COA8: variants seen among roughly 807,000 people sequenced by gnomAD.
COA8 encodes UPF0671 protein C14orf153.
Under a neutral mutation model 22.0 loss-of-function variants are expected in COA8, and 20 were observed. The observed-to-expected ratio is 0.91, with a 90% CI of 0.64 to 1.32. The LOEUF (loss-of-function observed/expected upper bound fraction) is 1.32. Ranked by LOEUF, COA8 falls within the 40% of genes most tolerant of loss-of-function variation. COA8 has a pLI of 0.00. For synonymous variants in COA8, 105 were observed against 79.9 expected, an observed-to-expected ratio of 1.31 and a Z score of -1.68; for missense variants, 266 against 230.0, an observed-to-expected ratio of 1.16 and a Z score of -1.01.
At chr14:103,588,847 G>A (rs1469751451) in intron 4 of COA8, among the ~76,000 whole-genome samples, 1 of 152,104 alleles carries the variant, frequency 6.6e-6, no homozygotes, top group Non-Finnish European at 1.5e-5. Flanking sequence ...AATAAAAAAA[G>A]AGAATATAGA....
In COA8 at chr14:103,588,480, A is replaced by AATAT. The variant is rs926508233; in HGVS notation, c.476+1130_476+1133dup. ...AAATAAATAAGTAAGTAATTAAAAA[A>AATAT]ATATATATATATATATAAAACAGTT... On this transcript the variant is annotated intron_variant, in intron 4 of 4. Coordinates refer to ENST00000409074, the MANE Select transcript of COA8 (RefSeq NM_001370595.2). Among the ~76,000 whole-genome samples the AATAT allele has an allele frequency of 7.2e-3, 1,035 of 143,886 alleles. 20 individuals carry two copies. Among genetic ancestry groups the AATAT allele is most frequent in the African/African-American group, 0.024 (991 of 40,714 alleles). The allele number at this position is 143,886 out of a possible 152,430, so 94.4% of individuals were successfully genotyped here. A position where few individuals can be genotyped will look rare whatever the true frequency, so the allele number is the denominator to read the frequency against.
chr14:103,587,690 G>A (rs1010704464), intron 4 of COA8, among the ~76,000 whole-genome samples: 3 of 151,412 alleles, frequency 2.0e-5, no homozygotes, highest in Non-Finnish European at 2.9e-5. Context: ...TGTATTTTTA[G>A]TAGAGACAGG....
At chr14:103,570,798 T>C (rs1429778095) in intron 1 of COA8, among the ~76,000 whole-genome samples, 1 of 152,302 alleles carries the variant, frequency 6.6e-6, no homozygotes, top group East Asian at 1.9e-4. Context: ...ATTACTCAAA[T>C]CAGTCTCTCC....
intron 1 of COA8, among the ~76,000 whole-genome samples, chr14:103,568,885 G>C (rs1218966376): frequency 6.6e-6 from 1 of 152,092 alleles, no homozygotes; most frequent in East Asian, 1.9e-4. Context: ...ACCTGCTTCG[G>C]CTTCCCAAAG....
intron 3 of COA8, among the ~76,000 whole-genome samples, chr14:103,584,803 T>A (rs550616893): frequency 6.6e-6 from 1 of 152,174 alleles, no homozygotes; most frequent in Non-Finnish European, 1.5e-5. Flanking sequence ...TTCGTGTATC[T>A]TTTTTGGAGA....
chr14:103,583,509 T>C (rs1369354116), intron 3 of COA8, among the ~76,000 whole-genome samples: 1 of 125,578 alleles, frequency 8.0e-6, no homozygotes, highest in East Asian at 2.4e-4. Context: ...GCCATTGCAC[T>C]CCAGCCTGGG....
At chr14:103,565,618 ATT>A (rs751191347) in intron 1 of COA8, among the ~76,000 whole-genome samples, 8 of 128,812 alleles carry the variant, frequency 6.2e-5, no homozygotes, top group Admixed American at 7.7e-5. Flanking sequence ...TTTTTTTTTA[ATT>A]TTTTTTTTTT....
At chr14:103,582,216 C>T (rs1223743605) in intron 3 of COA8, among the ~76,000 whole-genome samples, 4 of 152,158 alleles carry the variant, frequency 2.6e-5, no homozygotes, top group Admixed American at 6.6e-5. Flanking sequence ...CAGAGTGCGC[C>T]TCCTGCACCC....
At chr14:103,588,017 C>G (rs58601596) in intron 4 of COA8, 141,600 of 229,060 alleles carry the variant, frequency 0.62, 44,682 homozygotes, top group Middle Eastern at 0.69. Flanking sequence ...TCCGGAGGCT[C>G]AGTCAGGAGA....
intron 3 of COA8, chr14:103,574,643 T>G (rs1024637921): frequency 2.5e-5 from 9 of 353,726 alleles, no homozygotes; most frequent in Admixed American, 7.8e-5. Flanking sequence ...AAAAGCCAAG[T>G]CTGTCATTGG....
At chr14:103,587,035 A>G (rs1371499701) in intron 3 of COA8, among the ~76,000 whole-genome samples, 2 of 152,092 alleles carry the variant, frequency 1.3e-5, no homozygotes, top group Middle Eastern at 3.2e-3. Context: ...CACATCTTAC[A>G]CGTCTCCTCT....
At chr14:103,566,440 G>A (rs538718617) in intron 1 of COA8, among the ~76,000 whole-genome samples, 6 of 152,250 alleles carry the variant, frequency 3.9e-5, no homozygotes, top group Admixed American at 3.9e-4. Flanking sequence ...AAAAGAGTGA[G>A]CCATTGCATA....
chr14:103,577,252 G>T (rs1332790718), intron 3 of COA8, among the ~76,000 whole-genome samples: 2 of 151,934 alleles, frequency 1.3e-5, no homozygotes, highest in Admixed American at 1.3e-4. Flanking sequence ...GTGTGTGTGT[G>T]TGTTTCGTAG....
chr14:103,583,716 C>T (rs1222331894), intron 3 of COA8, among the ~76,000 whole-genome samples: 1 of 152,056 alleles, frequency 6.6e-6, no homozygotes, highest in Non-Finnish European at 1.5e-5. Context: ...AGGTTAAAGA[C>T]CCAGTCCCAC....
intron 3 of COA8, among the ~76,000 whole-genome samples, chr14:103,578,047 A>T (rs61996715): frequency 7.0e-6 from 1 of 141,978 alleles, no homozygotes. Context: ...AAAAAAAAAA[A>T]GCCAAGTTTG....
intron 2 of COA8, among the ~76,000 whole-genome samples, chr14:103,573,639 G>A (rs959150617): frequency 3.3e-5 from 5 of 151,772 alleles, no homozygotes; most frequent in East Asian, 3.9e-4. Flanking sequence ...TGCAACCTCC[G>A]CCTCCTGGGT....
chr14:103,563,311 G>T (rs773233971), intron 1 of COA8, 187 bp downstream of exon 1: 1 of 812,190 alleles, frequency 1.2e-6, no homozygotes, highest in Non-Finnish European at 2.1e-6. Flanking sequence ...GGATGGGACT[G>T]AGGGTGCCGC....
At chr14:103,586,903 C>T (rs1413424610) in intron 3 of COA8, among the ~76,000 whole-genome samples, 1 of 151,842 alleles carries the variant, frequency 6.6e-6, no homozygotes, top group Non-Finnish European at 1.5e-5. Flanking sequence ...GGGGTTTCAC[C>T]ATGTTGGCCA....
intron 3 of COA8, among the ~76,000 whole-genome samples, chr14:103,585,142 T>C (rs2076296569): frequency 1.3e-5 from 2 of 148,582 alleles, no homozygotes; most frequent in South Asian, 4.3e-4. Context: ...TGTCTCTAAA[T>C]AAATAAATAA....
Sources: gnomAD v4.1 joint callset for allele counts (sites outside exome capture counted in the v4.1 genomes callset) on GRCh38, gnomAD v4.1.1 for gene constraint, MANE v1.5 for transcripts, NCBI Gene and HGNC (gene_info 2026-07-23, HGNC 2026-07-21) for gene names.